Variants in TFCP2L1 observed in about 807,000 individuals in gnomAD.
TFCP2L1 encodes transcription factor CP2-like protein 1.
A neutral mutation model predicts 72.2 loss-of-function variants in TFCP2L1; 12 were observed. The ratio of observed to expected loss-of-function variants is 0.17; its 90% confidence interval spans 0.11 to 0.27. The LOEUF (loss-of-function observed/expected upper bound fraction) is 0.27. Among genes scored for constraint, TFCP2L1 ranks in the 10% least tolerant of loss-of-function variants. TFCP2L1 has a pLI of 1.00. For missense variants in TFCP2L1, 488 were observed against 624.6 expected (o/e 0.78, Z 2.33); for synonymous variants, 260 against 251.0 (o/e 1.04, Z -0.34).
At chr2:121,241,714 A>G (rs1316272386) in intron 7 of TFCP2L1, among the ~76,000 whole-genome samples, 1 of 152,164 alleles carries the variant, frequency 6.6e-6, no homozygotes, top group Admixed American at 6.5e-5. Context: ...TCACATGCAC[A>G]GTTATTCACT....
chr2:121,218,605 G>A lies in TFCP2L1; in HGVS notation c.*5736C>T, dbSNP rs142747273. The A allele has an allele frequency of 4.4e-3, 674 of 152,432 alleles. 1 individual carries two copies. The highest frequency in any genetic ancestry group is 7.9e-3 in the Non-Finnish European group (538 of 68,148). 9.4% of individuals were successfully genotyped at this position (152,432 alleles called of 1,614,324 possible). A position where few individuals can be genotyped will look rare whatever the true frequency, so the allele number is the denominator to read the frequency against. ...GGGGACATGGTTTGGTTTCCCCATC[G>A]CCAGGCTGGCCAGCTGGGGCCCAAG... On this transcript the variant is annotated 3_prime_UTR_variant, in exon 15 of 15. Coordinates refer to ENST00000263707, the MANE Select transcript of TFCP2L1 (RefSeq NM_014553.3).
intron 2 of TFCP2L1, among the ~76,000 whole-genome samples, chr2:121,263,313 T>C (rs969634176): frequency 6.6e-6 from 1 of 152,176 alleles, no homozygotes; most frequent in African/African-American, 2.4e-5. Flanking sequence ...TTTGTATCCA[T>C]AGTAGATGAA....
intron 2 of TFCP2L1, among the ~76,000 whole-genome samples, chr2:121,259,868 A>C (rs1686799703): frequency 6.6e-6 from 1 of 152,234 alleles, no homozygotes; most frequent in Non-Finnish European, 1.5e-5. Context: ...GATATATTGC[A>C]TCTGAATTTG....
Position 121,224,221 on chromosome 2 carries a change from G to A in TFCP2L1, c.*120C>T, listed in dbSNP as rs1685978795. The stretch of plus-strand genomic sequence containing the variant: ...GTGCTCTGTAGCTTTCACAGACTGG[G>A]CAGGGTCCCTCCTGGCCTCAGCTTG... On this transcript the variant is annotated 3_prime_UTR_variant, in exon 15 of 15. Coordinates refer to ENST00000263707, the MANE Select transcript of TFCP2L1 (RefSeq NM_014553.3). The A allele has an allele frequency of 2.6e-6, 3 of 1,138,602 alleles. No individual in the cohort carries two copies. The highest frequency in any genetic ancestry group is 3.1e-5 in the African/African-American group (2 of 65,486). The allele number at this position is 1,138,602 out of a possible 1,614,324, so 70.5% of individuals were successfully genotyped here.
intron 2 of TFCP2L1, among the ~76,000 whole-genome samples, chr2:121,253,438 T>C (rs1281878196): frequency 6.6e-6 from 1 of 152,190 alleles, no homozygotes; most frequent in East Asian, 1.9e-4. Flanking sequence ...AGTCCAACAC[T>C]CCCTTGATAT....
chr2:121,237,671 G>C lies in TFCP2L1; in HGVS notation c.955C>G (p.His319Asp), dbSNP rs766022206. ...ASIQDAQQWL[H>D]RNRFSQFCRL... ...CAGAACTGCGAGAACCTGTTGCGGT[G>C]AAGCCACTGCTGGGCATCCTGGATC... The change falls in exon 10 of 15, where the codon CAC becomes GAC. Residue 319 changes from histidine (H) to aspartate (D), a missense_variant. Coordinates refer to ENST00000263707, the MANE Select transcript of TFCP2L1 (RefSeq NM_014553.3). 5.0e-6 allele frequency: 8 copies of C among 1,614,228 alleles called. No homozygotes were observed. Among genetic ancestry groups the C allele is most frequent in the Non-Finnish European group, 6.8e-6 (8 of 1,180,050 alleles).
At chr2:121,238,060 C>G (rs1686288204) in intron 8 of TFCP2L1, among the ~76,000 whole-genome samples, 1 of 152,176 alleles carries the variant, frequency 6.6e-6, no homozygotes, top group Non-Finnish European at 1.5e-5. Context: ...TCATTGTAGA[C>G]AGCAAGTTCT....
intron 2 of TFCP2L1, among the ~76,000 whole-genome samples, chr2:121,250,933 A>AT (rs1558736940): frequency 6.6e-6 from 1 of 150,530 alleles, no homozygotes; most frequent in African/African-American, 2.4e-5. Flanking sequence ...TAGCTTTTTA[A>AT]TTTTTTTATT....
Position 121,231,923 on chromosome 2 carries a change from A to G in TFCP2L1, c.1244T>C (p.Ile415Thr), listed in dbSNP as rs1167932902. 1.2e-6 allele frequency: 2 copies of G among 1,612,746 alleles called. No homozygotes were observed. The highest frequency in any genetic ancestry group is 1.3e-5 in the African/African-American group (1 of 74,888). ...FLEELTTLELIEKIANLYSIS... is the reference protein window; with the variant it reads ...FLEELTTLELTEKIANLYSIS... ...GCTGTACAGGTTGGCGATCTTCTCA[A>G]TCAGCTCCAAGGTGGTCAGCTCTTC... is the stretch of plus-strand genomic sequence containing the variant. Residue 415 changes from isoleucine to threonine, a missense_variant, in exon 13 of 15, where the codon ATT (isoleucine) becomes ACT (threonine). Around this residue, in one of 3 missense-constraint regions of TFCP2L1, gnomAD observed 286 missense variants for 329.0 expected, o/e 0.87. Transcript: ENST00000263707.
chr2:121,281,105 G>A lies in TFCP2L1; in HGVS notation c.214+15C>T. ...CTTCTGGGTTCCGCCCTGGCCCGGG[G>A]CCTCTGGCCACTACCTTGGTTGAGG... On this transcript the variant is annotated intron_variant, in intron 2 of 14. Transcript: ENST00000263707. 6.2e-7 allele frequency: 1 copy of A among 1,613,868 alleles called. No individual in the cohort carries two copies. Among genetic ancestry groups the A allele is most frequent in the Non-Finnish European group, 8.5e-7 (1 of 1,180,002 alleles).
chr2:121,274,104 A>G (rs577882856), intron 2 of TFCP2L1, among the ~76,000 whole-genome samples: 347 of 152,148 alleles, frequency 2.3e-3, no homozygotes, highest in African/African-American at 8.1e-3. Flanking sequence ...CAAAAAAAAA[A>G]AAAAAGAAAA....
chr2:121,222,159 A>T lies in TFCP2L1; in HGVS notation c.*2182T>A, dbSNP rs920967436. On this transcript the variant is annotated 3_prime_UTR_variant, in exon 15 of 15. Transcript: ENST00000263707. ...AAAAGACAGATAATAGCAAGTGTTG[A>T]TGAGGATGTAGACAAATTGAAACCT... is the stretch of plus-strand genomic sequence containing the variant. 1 of 152,248 alleles carries T rather than the reference A, an allele frequency of 6.6e-6. No individual in the cohort carries two copies. Among genetic ancestry groups the T allele is most frequent in the African/African-American group, 2.4e-5 (1 of 41,466 alleles). 9.4% of individuals were successfully genotyped at this position (152,248 alleles called of 1,614,324 possible).
Position 121,281,260 on chromosome 2 carries a change from G to A in TFCP2L1, c.74C>T (p.Ala25Val). Residue 25 changes from alanine (A) to valine (V), a missense_variant, in exon 2 of 15, where the codon GCT becomes GTT. By Grantham distance (64) the Ala-to-Val change is moderately conservative. This residue lies in a region of TFCP2L1 where 73 missense variants were observed against 59.7 expected (regional missense o/e 1.22). Coordinates refer to ENST00000263707, the MANE Select transcript of TFCP2L1 (RefSeq NM_014553.3). Reference sequence around the variant, plus strand: ...TTCCTCCTGCTTGAAGATGGGCAGAGCGAGCACATCACTGCAACACACGGG... The same window carrying A: ...TTCCTCCTGCTTGAAGATGGGCAGAACGAGCACATCACTGCAACACACGGG... ...NSGSYLRDVLALPIFKQEEPQ... is the reference protein window; with the variant it reads ...NSGSYLRDVLVLPIFKQEEPQ... 1 of 1,606,142 alleles carries A rather than the reference G, an allele frequency of 6.2e-7. No homozygotes were observed. Among genetic ancestry groups the A allele is most frequent in the Non-Finnish European group, 8.5e-7 (1 of 1,176,724 alleles).
At position 121,232,107 on chromosome 2, in the gene TFCP2L1, TTTTTGTTTTGTTTTG is replaced by T. The variant is rs3835787; in HGVS notation, c.1199-154_1199-140del. 3,388 of 531,646 alleles carry T rather than the reference TTTTTGTTTTGTTTTG, an allele frequency of 6.4e-3. 36 individuals carry two copies. Among genetic ancestry groups the T allele is most frequent in the South Asian group, 0.021 (676 of 32,756 alleles). 32.9% of individuals were successfully genotyped at this position (531,646 alleles called of 1,614,324 possible). Reference sequence around the variant, plus strand: ...GCGGGGCAGGACCACACTGCCACTCTTTTTGTTTTGTTTTGTTTTGTTTTGTTTTGTTTTGTTTTG... The same window carrying T: ...GCGGGGCAGGACCACACTGCCACTCTTTTTGTTTTGTTTTGTTTTGTTTTG... On this transcript the variant is annotated intron_variant, in intron 12 of 14. Coordinates refer to ENST00000263707, the MANE Select transcript of TFCP2L1 (RefSeq NM_014553.3).
intron 2 of TFCP2L1, among the ~76,000 whole-genome samples, chr2:121,279,069 G>A (rs1687204851): frequency 6.6e-6 from 1 of 152,124 alleles, no homozygotes; most frequent in African/African-American, 2.4e-5. Flanking sequence ...CTTACCAACA[G>A]GAGCAGGGGC....
At position 121,248,950 on chromosome 2, in the gene TFCP2L1, C is replaced by T. The variant is rs529822846; in HGVS notation, c.397+32G>A. ...CCAATGTGGCCTGGGTGCCTCGAGC[C>T]TTGCCTGGCCTCTCCTGGCCAGGAG... On this transcript the variant is annotated intron_variant, in intron 4 of 14. Coordinates refer to ENST00000263707, the MANE Select transcript of TFCP2L1 (RefSeq NM_014553.3). The T allele has an allele frequency of 3.9e-6, 6 of 1,521,724 alleles. No individual in the cohort carries two copies. In the East Asian group the frequency reaches 9.6e-5, roughly 24 times the overall value. 94.3% of individuals were successfully genotyped at this position (1,521,724 alleles called of 1,614,324 possible). A position where few individuals can be genotyped will look rare whatever the true frequency, so the allele number is the denominator to read the frequency against.
At chr2:121,259,506 C>G (rs1573384624) in intron 2 of TFCP2L1, among the ~76,000 whole-genome samples, 1 of 152,188 alleles carries the variant, frequency 6.6e-6, no homozygotes, top group Non-Finnish European at 1.5e-5. Flanking sequence ...ACTGGTGAAT[C>G]TGATGGAGGA....
intron 2 of TFCP2L1, among the ~76,000 whole-genome samples, chr2:121,276,941 CA>C (rs1037465858): frequency 2.1e-5 from 3 of 143,270 alleles, no homozygotes; most frequent in African/African-American, 8.1e-5. Context: ...TAGATCTCTA[CA>C]GAAAAAAAAA....
At chr2:121,230,452 G>A (rs1430876149) in intron 13 of TFCP2L1, among the ~76,000 whole-genome samples, 1 of 152,002 alleles carries the variant, frequency 6.6e-6, no homozygotes, top group South Asian at 2.1e-4. Context: ...GATTACAGGT[G>A]TGAGCCACCG....
Sources: allele counts gnomAD v4.1 joint callset (sites outside exome capture counted in the v4.1 genomes callset), GRCh38; gene constraint gnomAD v4.1.1; regional missense constraint gnomAD v4.1.1; transcripts MANE v1.5; gene names NCBI Gene and HGNC (gene_info 2026-07-23, HGNC 2026-07-21).